Variants in SLIT2 observed in about 807,000 individuals in gnomAD.
SLIT2 encodes slit guidance ligand 2.
SLIT2 carries 41 observed loss-of-function variants against 185.7 expected under a neutral mutation model. The ratio of observed to expected loss-of-function variants is 0.22; its 90% CI spans 0.17 to 0.29. SLIT2 has a LOEUF of 0.29. SLIT2 is among the 10% of genes least tolerant of loss of function. The pLI is 1.00. For synonymous variants in SLIT2, 693 were observed against 680.2 expected (o/e 1.02, Z -0.29); for missense variants, 1,571 against 1,909.0 (o/e 0.82, Z 3.30).
At chr4:20,370,724 G>A (rs901682174) in intron 4 of SLIT2, among the ~76,000 whole-genome samples, 1 of 152,150 alleles carries the variant, frequency 6.6e-6, no homozygotes, top group East Asian at 1.9e-4. Flanking sequence ...TGATTTGGAA[G>A]TGGACTGATC....
chr4:20,511,248 A>G (rs1389390305), intron 11 of SLIT2, 111 bp downstream of exon 11: 1 of 599,846 alleles, frequency 1.7e-6, no homozygotes, highest in Non-Finnish European at 3.0e-6. Flanking sequence ...TGAATAATGA[A>G]TTATTAATAA....
chr4:20,277,508 G>A (rs1316443010), intron 4 of SLIT2, among the ~76,000 whole-genome samples: 1 of 151,390 alleles, frequency 6.6e-6, no homozygotes, highest in African/African-American at 2.4e-5. Context: ...ACATTTTCTA[G>A]GGTAAAACAT....
chr4:20,420,803 T>C (rs925246490), intron 4 of SLIT2, among the ~76,000 whole-genome samples: 1 of 152,054 alleles, frequency 6.6e-6, no homozygotes, highest in Admixed American at 6.6e-5. Flanking sequence ...GGCCAGGGGC[T>C]CTCATGATGG....
intron 4 of SLIT2, among the ~76,000 whole-genome samples, chr4:20,313,222 A>C (rs914260310): frequency 3.9e-5 from 6 of 152,238 alleles, no homozygotes; most frequent in African/African-American, 1.2e-4. Flanking sequence ...GCTGTAACAG[A>C]AGTATGGCAC....
At chr4:20,329,920 GGT>G (rs1719923833) in intron 4 of SLIT2, among the ~76,000 whole-genome samples, 1 of 151,714 alleles carries the variant, frequency 6.6e-6, no homozygotes, top group African/African-American at 2.4e-5. Context: ...CTCTCATGAG[GGT>G]TTTCTTGACC....
chr4:20,424,976 G>A (rs1728441122), intron 4 of SLIT2, among the ~76,000 whole-genome samples: 1 of 152,032 alleles, frequency 6.6e-6, no homozygotes, highest in Non-Finnish European at 1.5e-5. Flanking sequence ...AAATATTTCA[G>A]TTGATTGATA....
At chr4:20,420,695 AAGGG>A (rs1226053350) in intron 4 of SLIT2, among the ~76,000 whole-genome samples, 1 of 152,030 alleles carries the variant, frequency 6.6e-6, no homozygotes, top group Non-Finnish European at 1.5e-5. Flanking sequence ...GGGAGGAAGA[AAGGG>A]AGGAAGAGAT....
intron 4 of SLIT2, among the ~76,000 whole-genome samples, chr4:20,398,690 G>C (rs1366998134): frequency 2.0e-5 from 3 of 151,584 alleles, no homozygotes; most frequent in Non-Finnish European, 4.4e-5. Context: ...TCCCATCCAT[G>C]TTTATATTGA....
At position 20,567,314 on chromosome 4, in the gene SLIT2, G is replaced by C. The variant is rs374788306; in HGVS notation, c.2778G>C (p.Pro926=). Residue 926 remains proline, a synonymous_variant, in exon 27 of 37, where the codon CCG becomes CCC. Coordinates refer to ENST00000504154, the MANE Select transcript of SLIT2 (RefSeq NM_004787.4). ...AGTGTAACCCCTGCCTATCAAATCC[G>C]TGTAAAAATGATGGCACATGTAATA... is the stretch of plus-strand genomic sequence containing the variant. ...LAKCNPCLSN[P]CKNDGTCNSD... 1.9e-5 allele frequency: 30 copies of C among 1,612,462 alleles called. No individual in the cohort carries two copies. The highest frequency in any genetic ancestry group is 2.5e-5 in the Non-Finnish European group (30 of 1,178,820).
At chr4:20,269,305 A>G (rs1713361177) in intron 4 of SLIT2, among the ~76,000 whole-genome samples, 1 of 151,826 alleles carries the variant, frequency 6.6e-6, no homozygotes, top group Admixed American at 6.6e-5. Context: ...CGTGTTTATT[A>G]GTCCGAAATA....
At chr4:20,433,150 C>G (rs1185721938) in intron 4 of SLIT2, among the ~76,000 whole-genome samples, 1 of 152,130 alleles carries the variant, frequency 6.6e-6, no homozygotes, top group Non-Finnish European at 1.5e-5. Context: ...TTACAGCAAC[C>G]ACCAGCCAGA....
intron 29 of SLIT2, among the ~76,000 whole-genome samples, chr4:20,572,223 A>T (rs1371767479): frequency 6.6e-6 from 1 of 152,112 alleles, no homozygotes; most frequent in Admixed American, 6.5e-5. Flanking sequence ...CACCAAAACC[A>T]TTCTCCATAT....
At chr4:20,517,564 T>C (rs1003807147) in intron 11 of SLIT2, among the ~76,000 whole-genome samples, 5 of 152,186 alleles carry the variant, frequency 3.3e-5, no homozygotes, top group Non-Finnish European at 7.3e-5. Flanking sequence ...TAAAATGGTT[T>C]CTTCTCTAAT....
At chr4:20,430,734 C>A (rs60021161) in intron 4 of SLIT2, among the ~76,000 whole-genome samples, 12,936 of 152,286 alleles carry the variant, frequency 0.085, 555 homozygotes, top group African/African-American at 0.093. Flanking sequence ...TCCTCCCGCC[C>A]ATGGGGCCTC....
At chr4:20,334,187 C>T (rs1377816643) in intron 4 of SLIT2, among the ~76,000 whole-genome samples, 1 of 152,108 alleles carries the variant, frequency 6.6e-6, no homozygotes, top group Non-Finnish European at 1.5e-5. Flanking sequence ...TTATGTTGCA[C>T]TGGGTTGAAC....
intron 29 of SLIT2, among the ~76,000 whole-genome samples, chr4:20,579,644 C>G (rs1560211250): frequency 6.6e-6 from 1 of 151,702 alleles, no homozygotes; most frequent in Non-Finnish European, 1.5e-5. Context: ...AAATTTCTCC[C>G]AAGATGTGTA....
chr4:20,261,361 C>A (rs1261315814), intron 3 of SLIT2, among the ~76,000 whole-genome samples: 1 of 151,786 alleles, frequency 6.6e-6, no homozygotes, highest in Non-Finnish European at 1.5e-5. Flanking sequence ...CTTTTATATA[C>A]CTCAAGGAAG....
chr4:20,288,148 CAT>C (rs1414592822), intron 4 of SLIT2, among the ~76,000 whole-genome samples: 1 of 152,108 alleles, frequency 6.6e-6, no homozygotes, highest in African/African-American at 2.4e-5. Context: ...ATTATGGAAA[CAT>C]ATTATTGTAA....
At chr4:20,556,034 C>T (rs2148898476) in intron 26 of SLIT2, among the ~76,000 whole-genome samples, 1 of 152,116 alleles carries the variant, frequency 6.6e-6, no homozygotes, top group Middle Eastern at 3.4e-3. Flanking sequence ...TAGTGCATCA[C>T]TGATTGAAAC....
Sources: gnomAD v4.1 joint callset for allele counts (sites outside exome capture counted in the v4.1 genomes callset) on GRCh38, gnomAD v4.1.1 for gene constraint, MANE v1.5 for transcripts, NCBI Gene and HGNC (gene_info 2026-07-23, HGNC 2026-07-21) for gene names.